The following TMEM72 variants were observed in gnomAD, a reference collection of about 807,000 sequenced individuals.
TMEM72 encodes transmembrane protein 72.
Under a neutral mutation model 16.3 loss-of-function variants are expected in TMEM72, and 9 were observed. The ratio of observed to expected loss-of-function variants is 0.55; its 90% CI spans 0.33 to 0.96. The LOEUF (loss-of-function observed/expected upper bound fraction) is 0.96. Ranked by LOEUF, TMEM72 falls within the 40% of genes least tolerant of loss-of-function variation. The pLI, the probability that TMEM72 is intolerant of heterozygous loss-of-function variation, is 0.03. For synonymous variants in TMEM72, 160 were observed against 146.5 expected, an observed-to-expected ratio of 1.09 and a Z score of -0.66; for missense variants, 324 against 337.8, an observed-to-expected ratio of 0.96 and a Z score of 0.32.
At chr10:44,933,511 T>A in intron 3 of TMEM72, 126 bp from the exon 4 acceptor site, 1 of 1,316,572 alleles carries the variant, frequency 7.6e-7, no homozygotes, top group Non-Finnish European at 1.0e-6. Flanking sequence ...CCGCTAGGGC[T>A]TTCTGTTCAG....
At chr10:44,930,126 T>C (rs1024684528) in intron 2 of TMEM72, among the ~76,000 whole-genome samples, 1 of 152,130 alleles carries the variant, frequency 6.6e-6, no homozygotes, top group Non-Finnish European at 1.5e-5. Context: ...GCCCATGTGG[T>C]CTCTGGGTGG....
At chr10:44,923,122 T>G (rs1355786343) in intron 1 of TMEM72, 1 of 152,424 alleles carries the variant, frequency 6.6e-6, no homozygotes, top group Non-Finnish European at 1.5e-5. Context: ...GGGTCACAGG[T>G]AGGGTGGCTG....
intron 1 of TMEM72, among the ~76,000 whole-genome samples, chr10:44,920,915 C>T (rs571727551): frequency 2.6e-5 from 4 of 152,326 alleles, no homozygotes; most frequent in Admixed American, 1.3e-4. Flanking sequence ...TCCTAGCTTT[C>T]GTCAACCCAT....
chr10:44,929,204 G>C (rs1840251899), intron 2 of TMEM72, among the ~76,000 whole-genome samples: 1 of 152,242 alleles, frequency 6.6e-6, no homozygotes, highest in East Asian at 1.9e-4. Flanking sequence ...CTGTAAGTGT[G>C]TCCTGGCAGG....
At chr10:44,934,340 C>T (rs1446526006) in intron 4 of TMEM72, among the ~76,000 whole-genome samples, 1 of 152,214 alleles carries the variant, frequency 6.6e-6, no homozygotes, top group Non-Finnish European at 1.5e-5. Context: ...CCTCTCTGCT[C>T]CCTATCTGTG....
At position 44,934,789 on chromosome 10, in the gene TMEM72, C is replaced by T. The variant is rs1229850957; in HGVS notation, c.483C>T (p.Gly161=). 1 of 1,613,656 alleles carries T rather than the reference C, an allele frequency of 6.2e-7. No homozygotes were observed. The highest frequency in any genetic ancestry group is 2.2e-5 in the East Asian group (1 of 44,866). The change falls in exon 5 of 5, where the codon GGC becomes GGT. Residue 161 remains glycine, a synonymous_variant. Coordinates refer to ENST00000389583, the MANE Select transcript of TMEM72 (RefSeq NM_001123376.3). ...DPSSSAVSTT[G]SGDTEQTYTF... The stretch of plus-strand genomic sequence containing the variant: ...CTAGCAGCGCTGTGAGCACCACCGG[C>T]TCTGGGGACACAGAGCAAACCTACA...
chr10:44,917,190 G>A (rs1267938421), intron 1 of TMEM72, among the ~76,000 whole-genome samples: 1 of 152,086 alleles, frequency 6.6e-6, no homozygotes, highest in African/African-American at 2.4e-5. Flanking sequence ...CTGTGTCCTG[G>A]GACAATCACT....
intron 1 of TMEM72, among the ~76,000 whole-genome samples, chr10:44,927,488 G>C (rs1345142024): frequency 9.1e-6 from 1 of 109,358 alleles, no homozygotes; most frequent in Non-Finnish European, 2.0e-5. Flanking sequence ...CAAGACCAAG[G>C]CCACACAACA....
intron 1 of TMEM72, 70 bp downstream of exon 1, chr10:44,911,652 G>A (rs934141730): frequency 1.3e-6 from 2 of 1,523,278 alleles, no homozygotes; most frequent in African/African-American, 1.4e-5. Flanking sequence ...TGAGGGGTGG[G>A]AGGTGGCCAG....
intron 1 of TMEM72, among the ~76,000 whole-genome samples, chr10:44,922,549 C>CCAA: frequency 6.6e-6 from 1 of 152,340 alleles, no homozygotes; most frequent in East Asian, 1.9e-4. Context: ...ACAGCCAGTC[C>CCAA]CAACATGGCT....
intron 4 of TMEM72, among the ~76,000 whole-genome samples, 156 bp from the exon 5 acceptor site, chr10:44,934,500 T>C (rs1409671365): frequency 6.6e-6 from 1 of 152,064 alleles, no homozygotes; most frequent in African/African-American, 2.4e-5. Flanking sequence ...TGATGTGGGG[T>C]GTGAGGACAA....
At position 44,911,488 on chromosome 10, in the gene TMEM72, G is replaced by A; in HGVS notation, c.-25G>A. 3.2e-6 allele frequency: 5 copies of A among 1,549,280 alleles called. No individual in the cohort carries two copies. The highest frequency in any genetic ancestry group is 1.2e-5 in the South Asian group (1 of 84,048). On this transcript the variant is annotated 5_prime_UTR_variant, in exon 1 of 5. Coordinates refer to ENST00000389583, the MANE Select transcript of TMEM72 (RefSeq NM_001123376.3). ...GAAGACTTTGCTGCCTGCCCTGCCAGGACTTTGTCCTCACCCCTGGCACCA... is the reference window on the plus strand; with the variant it reads ...GAAGACTTTGCTGCCTGCCCTGCCAAGACTTTGTCCTCACCCCTGGCACCA...
chr10:44,933,556 C>T lies in TMEM72; in HGVS notation c.210-81C>T, dbSNP rs528335538. 204 of 1,538,178 alleles carry T rather than the reference C, an allele frequency of 1.3e-4. 2 individuals carry two copies. In the African/African-American group the frequency reaches 2.5e-3, roughly 19 times the overall value. On this transcript the variant is annotated intron_variant, in intron 3 of 4. Coordinates refer to ENST00000389583, the MANE Select transcript of TMEM72 (RefSeq NM_001123376.3). ...ACTGCAGAGCATGCCCACAGCAGGG[C>T]CTGGCCCAGACTCCATGGCATCCAG... is the stretch of plus-strand genomic sequence containing the variant.
intron 2 of TMEM72, among the ~76,000 whole-genome samples, chr10:44,928,440 A>G (rs759507782): frequency 8.6e-5 from 13 of 151,906 alleles, no homozygotes; most frequent in Admixed American, 2.0e-4. Flanking sequence ...TTGCCTATCC[A>G]TCTATTCACC....
At chr10:44,921,493 C>T (rs1025915843) in intron 1 of TMEM72, among the ~76,000 whole-genome samples, 2 of 152,226 alleles carry the variant, frequency 1.3e-5, no homozygotes, top group African/African-American at 4.8e-5. Flanking sequence ...TGTCATGAGG[C>T]TCTGATTCTG....
intron 1 of TMEM72, 63 bp from the exon 2 acceptor site, chr10:44,927,858 C>A: frequency 6.5e-7 from 1 of 1,532,458 alleles, no homozygotes; most frequent in Non-Finnish European, 8.9e-7. Flanking sequence ...AAGGTACCCT[C>A]AACAGGGCAG....
rs1307431245 is a variant in TMEM72 at position 44,911,431 on chromosome 10, T to C, written c.-82T>C. 3.5e-6 allele frequency: 5 copies of C among 1,436,800 alleles called. No individual in the cohort carries two copies. The East Asian group carries it at 1.0e-4, about 29-fold the overall frequency. 89.0% of individuals were successfully genotyped at this position (1,436,800 alleles called of 1,614,324 possible). On this transcript the variant is annotated 5_prime_UTR_variant, in exon 1 of 5. Coordinates refer to ENST00000389583, the MANE Select transcript of TMEM72 (RefSeq NM_001123376.3). ...CAGCCACAGCCAGCAGCCTCCTACC[T>C]ACACAAGGGTGTTCGGGAGCATCTC...
chr10:44,912,625 A>G (rs1157009693), intron 1 of TMEM72, among the ~76,000 whole-genome samples: 1 of 152,136 alleles, frequency 6.6e-6, no homozygotes, highest in Non-Finnish European at 1.5e-5. Context: ...GCACTTTCTG[A>G]TCTGTATGAT....
intron 1 of TMEM72, among the ~76,000 whole-genome samples, chr10:44,916,052 G>A (rs543523380): frequency 7.7e-4 from 117 of 152,322 alleles, no homozygotes; most frequent in Non-Finnish European, 1.2e-3. Flanking sequence ...GGAAACTGAA[G>A]CTCAGAACAT....
Sources: gnomAD v4.1 joint callset for allele counts (sites outside exome capture counted in the v4.1 genomes callset) on GRCh38, gnomAD v4.1.1 for gene constraint, MANE v1.5 for transcripts, NCBI Gene and HGNC (gene_info 2026-07-23, HGNC 2026-07-21) for gene names.